The following FBXL5 variants were observed in gnomAD, a reference collection of about 807,000 sequenced individuals.
The protein encoded by FBXL5 is F-box and leucine rich repeat protein 5, also known as F-box/LRR-repeat protein 5.
In FBXL5, 26 loss-of-function variants were observed where a neutral mutation model predicts 78.3. That is an observed-to-expected ratio of 0.33 (90% CI 0.24 to 0.46). FBXL5 has a LOEUF of 0.46. Ranked by LOEUF, FBXL5 falls within the 20% of genes least tolerant of loss-of-function variation. The pLI is 1.00. For synonymous variants in FBXL5, 295 were observed against 282.5 expected, an observed-to-expected ratio of 1.04 and a Z score of -0.45; for missense variants, 710 against 829.2, an observed-to-expected ratio of 0.86 and a Z score of 1.77.
intron 10 of FBXL5, among the ~76,000 whole-genome samples, chr4:15,607,159 C>T (rs1355996772): frequency 2.0e-5 from 3 of 152,102 alleles, no homozygotes; most frequent in African/African-American, 7.2e-5. Flanking sequence ...CTGTGATTAG[C>T]TTAATGGCGG....
chr4:15,617,583 T>C (rs1404955377), intron 9 of FBXL5, among the ~76,000 whole-genome samples: 16 of 149,060 alleles, frequency 1.1e-4, no homozygotes, highest in Admixed American at 1.1e-3. Flanking sequence ...GTGGTACATA[T>C]ACACCATGAA....
intron 6 of FBXL5, among the ~76,000 whole-genome samples, chr4:15,628,418 T>C (rs1488532435): frequency 6.6e-6 from 1 of 152,200 alleles, no homozygotes; most frequent in African/African-American, 2.4e-5. Flanking sequence ...GCATGGCTTT[T>C]GGTTTTACTT....
intron 9 of FBXL5, among the ~76,000 whole-genome samples, chr4:15,621,210 C>T (rs963988381): frequency 6.6e-6 from 1 of 151,994 alleles, no homozygotes; most frequent in South Asian, 2.1e-4. Context: ...ATGTAGAAAA[C>T]CCTAATGAAT....
chr4:15,634,292 C>A (rs1577455286), intron 5 of FBXL5, among the ~76,000 whole-genome samples: 1 of 152,088 alleles, frequency 6.6e-6, no homozygotes, highest in South Asian at 2.1e-4. Context: ...TCAAATGATC[C>A]TCCCTCCCAC....
chr4:15,665,832 G>A (rs1238078771), intron 1 of FBXL5, among the ~76,000 whole-genome samples: 17 of 152,134 alleles, frequency 1.1e-4, no homozygotes, highest in Admixed American at 1.1e-3. Context: ...AGATTTGGCT[G>A]TTGGTAGGAA....
chr4:15,661,217 G>A (rs911913326), upstream of FBXL5, among the ~76,000 whole-genome samples: 2 of 152,116 alleles, frequency 1.3e-5, no homozygotes, highest in Admixed American at 6.5e-5. Context: ...TGTTTCCCCT[G>A]TGTGCAAGGT....
chr4:15,640,194 C>T (rs1000296650), intron 3 of FBXL5, among the ~76,000 whole-genome samples: 2 of 152,022 alleles, frequency 1.3e-5, no homozygotes, highest in African/African-American at 4.8e-5. Flanking sequence ...GCACATGCCA[C>T]CATGCCCAGC....
At chr4:15,663,256 T>C (rs548065445), upstream of FBXL5, among the ~76,000 whole-genome samples, 128 of 152,308 alleles carry the variant, frequency 8.4e-4, no homozygotes, top group Non-Finnish European at 3.1e-4. Flanking sequence ...AAACTAACAA[T>C]ACACTAAGTA....
At chr4:15,636,144 G>T (rs1435511018) in intron 5 of FBXL5, among the ~76,000 whole-genome samples, 1 of 151,894 alleles carries the variant, frequency 6.6e-6, no homozygotes, top group African/African-American at 2.4e-5. Context: ...CTTACTAATT[G>T]AATTTTTAAC....
upstream of FBXL5, among the ~76,000 whole-genome samples, chr4:15,656,856 G>A (rs1717000598): frequency 1.3e-5 from 2 of 151,910 alleles, no homozygotes; most frequent in Non-Finnish European, 2.9e-5. Context: ...TAGTGCTGCA[G>A]GAAATTAAGT....
At chr4:15,617,187 T>C (rs1254206456) in intron 9 of FBXL5, among the ~76,000 whole-genome samples, 2 of 152,122 alleles carry the variant, frequency 1.3e-5, no homozygotes, top group Non-Finnish European at 1.5e-5. Flanking sequence ...TCAGCACTAT[T>C]CACAATAGCA....
At chr4:15,621,830 T>G (rs184813020) in intron 9 of FBXL5, among the ~76,000 whole-genome samples, 6 of 152,310 alleles carry the variant, frequency 3.9e-5, no homozygotes, top group Non-Finnish European at 7.4e-5. Flanking sequence ...CATTCTCCAG[T>G]CAATGCTCCT....
intron 1 of FBXL5, among the ~76,000 whole-genome samples, chr4:15,648,359 G>A (rs1219089640): frequency 6.6e-6 from 1 of 152,138 alleles, no homozygotes; most frequent in Non-Finnish European, 1.5e-5. Flanking sequence ...ATTTTCATAA[G>A]TTCCAGCAAT....
chr4:15,618,035 G>A (rs557986768), intron 9 of FBXL5, among the ~76,000 whole-genome samples: 6 of 152,208 alleles, frequency 3.9e-5, no homozygotes, highest in Admixed American at 3.3e-4. Context: ...AGTAGCAGGA[G>A]GGGAAACAAT....
At chr4:15,639,578 T>C (rs1267582348) in intron 3 of FBXL5, among the ~76,000 whole-genome samples, 1 of 152,226 alleles carries the variant, frequency 6.6e-6, no homozygotes, top group Non-Finnish European at 1.5e-5. Context: ...TTAGAATCTT[T>C]AGAGGTTGGA....
intron 5 of FBXL5, among the ~76,000 whole-genome samples, chr4:15,631,353 T>C (rs1414385866): frequency 1.3e-5 from 2 of 152,236 alleles, no homozygotes; most frequent in Non-Finnish European, 2.9e-5. Context: ...GTCTTTGCTA[T>C]TGTGAATAGT....
intron 1 of FBXL5, among the ~76,000 whole-genome samples, chr4:15,680,706 A>C (rs1297748061): frequency 6.6e-6 from 1 of 152,076 alleles, no homozygotes; most frequent in Non-Finnish European, 1.5e-5. Context: ...CAGTTGGAGA[A>C]TCAAAAATTT....
intron 1 of FBXL5, chr4:15,681,379 C>A: frequency 5.9e-6 from 1 of 170,836 alleles, no homozygotes. Flanking sequence ...TTCAGCGCCA[C>A]TACCTGCTTC....
chr4:15,667,011 G>GT (rs1717576134), intron 1 of FBXL5, among the ~76,000 whole-genome samples: 1 of 151,980 alleles, frequency 6.6e-6, no homozygotes, highest in South Asian at 2.1e-4. Context: ...CAAAATAATC[G>GT]TAATTTTAAA....
Sources: gnomAD v4.1 joint callset for allele counts (sites outside exome capture counted in the v4.1 genomes callset) on GRCh38, gnomAD v4.1.1 for gene constraint, MANE v1.5 for transcripts, NCBI Gene and HGNC (gene_info 2026-07-23, HGNC 2026-07-21) for gene names.